The following NYAP1 variants were observed in gnomAD, a reference collection of about 807,000 sequenced individuals.
NYAP1 encodes neuronal tyrosine phosphorylated phosphoinositide-3-kinase adaptor 1.
NYAP1 carries 20 observed loss-of-function variants against 58.6 expected under a neutral mutation model. That is an observed-to-expected ratio of 0.34 (90% CI 0.24 to 0.50). The LOEUF is 0.50. NYAP1 is among the 20% of genes least tolerant of loss of function. The pLI, the probability that NYAP1 is intolerant of heterozygous loss-of-function variation, is 0.98. For synonymous variants in NYAP1, 572 were observed against 523.1 expected (o/e 1.09, Z -1.27); for missense variants, 1,150 against 1,194.5 (o/e 0.96, Z 0.55).
rs767063731 is a variant in NYAP1, at chr7:100,493,916, G to A, written c.*13G>A. 3.6e-5 allele frequency: 51 copies of A among 1,428,582 alleles called. No individual in the cohort carries two copies. The highest frequency in any genetic ancestry group is 4.5e-5 in the Non-Finnish European group (49 of 1,098,124). The allele number at this position is 1,428,582 out of a possible 1,614,324, so 88.5% of individuals were successfully genotyped here. On this transcript the variant is annotated 3_prime_UTR_variant, in exon 7 of 7. Coordinates refer to ENST00000300179, the MANE Select transcript of NYAP1 (RefSeq NM_173564.4). ...CACCGCCATCTGAGGCGGGCGGGGG[G>A]GTACCGGGGCGCCTGGACTGGGGAG... is the stretch of plus-strand genomic sequence containing the variant.
chr7:100,489,246 G>C lies in NYAP1; in HGVS notation c.1525G>C (p.Gly509Arg). The C allele has an allele frequency of 6.2e-7, 1 of 1,605,150 alleles. No homozygotes were observed. The highest frequency in any genetic ancestry group is 8.5e-7 in the Non-Finnish European group (1 of 1,176,508). The change falls in exon 4 of 7, where the codon GGG becomes CGG. Residue 509 changes from glycine to arginine, a missense_variant. Physicochemically the swap from Gly to Arg is moderately radical, Grantham distance 125 (BLOSUM62 -2). Coordinates refer to ENST00000300179, the MANE Select transcript of NYAP1 (RefSeq NM_173564.4). ...LCTSSRPPVPGKTSPHGGAMG... is the reference protein window; with the variant it reads ...LCTSSRPPVPRKTSPHGGAMG... ...TACCAGCTCAAGGCCCCCTGTGCCA[G>C]GGAAGACCAGCCCCCACGGTGGGGC...
At position 100,487,308 on chromosome 7, in the gene NYAP1, A is replaced by C; in HGVS notation, c.430+126A>C. 4 of 1,059,706 alleles carry C rather than the reference A, an allele frequency of 3.8e-6. No homozygotes were observed. The highest frequency in any genetic ancestry group is 3.8e-6 in the Non-Finnish European group (3 of 779,418). 65.6% of individuals were successfully genotyped at this position (1,059,706 alleles called of 1,614,324 possible). On this transcript the variant is annotated intron_variant, in intron 3 of 6. Transcript: ENST00000300179. This position sits in a 1 kb window ranked among gnomAD's most constrained non-coding sequence, Gnocchi z 4.1. The stretch of plus-strand genomic sequence containing the variant: ...CAAGGAAGTGGAAGATTCCATTCTC[A>C]AAAGGAATTGGGGGGGTCCTTTTGG...
chr7:100,493,655 G>GCGCTGC lies in NYAP1; in HGVS notation c.2286_2291dup (p.Leu767_Pro768dup), dbSNP rs751725479. On this transcript the variant is annotated inframe_insertion, in exon 7 of 7. Coordinates refer to ENST00000300179, the MANE Select transcript of NYAP1 (RefSeq NM_173564.4). ...CCCGCCCGCGGCACAGCCCCACCCC[G>GCGCTGC]CGCTGCCGCTGCCTCTGCCCCTGCC... The GCGCTGC allele has an allele frequency of 3.8e-6, 6 of 1,579,560 alleles. No individual in the cohort carries two copies. The highest frequency in any genetic ancestry group is 1.1e-5 in the South Asian group (1 of 88,272).
At position 100,488,998 on chromosome 7, in the gene NYAP1, A is replaced by G. The variant is rs777515681; in HGVS notation, c.1277A>G (p.Asn426Ser). ...GQPRGERELP[N>S]SHSMICPKAA... ...CCCCGGGGGGAGCGGGAGCTCCCCA[A>G]CTCCCACAGCATGATCTGCCCTAAG... Residue 426 changes from asparagine (N) to serine (S), a missense_variant, in exon 4 of 7, where the codon AAC (asparagine) becomes AGC (serine). Coordinates refer to ENST00000300179, the MANE Select transcript of NYAP1 (RefSeq NM_173564.4). This position sits in a 1 kb window ranked among gnomAD's most constrained non-coding sequence, Gnocchi z 5.9. 6.3e-7 allele frequency: 1 copy of G among 1,576,174 alleles called. No homozygotes were observed. Among genetic ancestry groups the G allele is most frequent in the Admixed American group, 1.8e-5 (1 of 54,222 alleles).
In NYAP1 at chr7:100,489,037, C is replaced by T. The variant is rs759216586; in HGVS notation, c.1316C>T (p.Pro439Leu). The change falls in exon 4 of 7, where the codon CCG becomes CTG. Residue 439 changes from proline to leucine, a missense_variant. Pro to Leu is a moderately conservative substitution (Grantham distance 98). Transcript: ENST00000300179. ...ATCTGCCCTAAGGCGGCGGGGGCGC[C>T]GGCAGCCCCCCCTGCCCCGGCCGCC... ...SMICPKAAGA[P>L]AAPPAPAALL... 32 of 1,545,258 alleles carry T rather than the reference C, an allele frequency of 2.1e-5. No homozygotes were observed. In the East Asian group the frequency reaches 4.8e-4, roughly 23 times the overall value.
intron 6 of NYAP1, among the ~76,000 whole-genome samples, chr7:100,492,590 G>A (rs924060262): frequency 6.6e-6 from 1 of 152,116 alleles, no homozygotes; most frequent in Non-Finnish European, 1.5e-5. Flanking sequence ...GGGCAAGACC[G>A]TGTCTCAAAA....
At position 100,490,645 on chromosome 7, in the gene NYAP1, A is replaced by T; in HGVS notation, c.2074A>T (p.Arg692Trp). ...RSQGAEGLLA[R>W]IHHGDRGGSR... ...CCAGGGGGCAGAGGGACTGCTGGCC[A>T]GGATCCACCATGGAGACCGAGGAGG... Residue 692 changes from arginine to tryptophan, a missense_variant, in exon 5 of 7, where the codon AGG becomes TGG. Coordinates refer to ENST00000300179, the MANE Select transcript of NYAP1 (RefSeq NM_173564.4). This position sits in a 1 kb window ranked among gnomAD's most constrained non-coding sequence, Gnocchi z 4.6. 1 of 1,569,256 alleles carries T rather than the reference A, an allele frequency of 6.4e-7. No homozygotes were observed. The highest frequency in any genetic ancestry group is 2.3e-5 in the East Asian group (1 of 43,138).
chr7:100,492,405 C>A (rs886851900), intron 6 of NYAP1, among the ~76,000 whole-genome samples: 1 of 152,176 alleles, frequency 6.6e-6, no homozygotes, highest in Non-Finnish European at 1.5e-5. Context: ...AGGGCCACCA[C>A]TAGCCAACAG....
In NYAP1 at chr7:100,488,707, A is replaced by G; in HGVS notation, c.986A>G (p.Asn329Ser). ...TGTGAAATCCCCCCGCCCTTCCCCA[A>G]CCTCCTTCAGCACCGGCCTCCACTC... ...TPCEIPPPFP[N>S]LLQHRPPLLA... The change falls in exon 4 of 7, where the codon AAC becomes AGC. Residue 329 changes from asparagine (N) to serine (S), a missense_variant. By Grantham distance (46) the Asn-to-Ser change is conservative. Coordinates refer to ENST00000300179, the MANE Select transcript of NYAP1 (RefSeq NM_173564.4). This position sits in a 1 kb window ranked among gnomAD's most constrained non-coding sequence, Gnocchi z 5.9. 1.9e-6 allele frequency: 3 copies of G among 1,601,678 alleles called. No homozygotes were observed. The highest frequency in any genetic ancestry group is 2.6e-6 in the Non-Finnish European group (3 of 1,175,742).
chr7:100,494,044 C>T lies in NYAP1; in HGVS notation c.*141C>T, dbSNP rs541256960. ...AACCCCTGCCCTCCAACCTACCCCCCGGGATGGGGAGAGTCTGCCAGGCCC... is the reference window on the plus strand; with the variant it reads ...AACCCCTGCCCTCCAACCTACCCCCTGGGATGGGGAGAGTCTGCCAGGCCC... On this transcript the variant is annotated 3_prime_UTR_variant, in exon 7 of 7. Coordinates refer to ENST00000300179, the MANE Select transcript of NYAP1 (RefSeq NM_173564.4). 9 of 729,184 alleles carry T rather than the reference C, an allele frequency of 1.2e-5. No homozygotes were observed. In the African/African-American group the frequency reaches 1.3e-4, roughly 11 times the overall value. The allele number at this position is 729,184 out of a possible 1,614,324, so 45.2% of individuals were successfully genotyped here. A position where few individuals can be genotyped will look rare whatever the true frequency, so the allele number is the denominator to read the frequency against.
rs773639878 is a variant in NYAP1, at chr7:100,488,254, A to C, written c.533A>C (p.Glu178Ala). 1.2e-6 allele frequency: 2 copies of C among 1,613,956 alleles called. No individual in the cohort carries two copies. The highest frequency in any genetic ancestry group is 8.5e-7 in the Non-Finnish European group (1 of 1,179,928). The change falls in exon 4 of 7, where the codon GAG becomes GCG. Residue 178 changes from glutamate (E) to alanine (A), a missense_variant. Transcript: ENST00000300179. The surrounding 1 kb of genome is among the most constrained non-coding windows in gnomAD (Gnocchi z 5.9). Reference protein sequence around the residue: ...PNTQLSVSFDESCPPGPSPRG... With the variant: ...PNTQLSVSFDASCPPGPSPRG... ...ACCCAGCTCTCTGTCTCCTTCGATGAGTCCTGCCCCCCAGGCCCCTCTCCT... is the reference window on the plus strand; with the variant it reads ...ACCCAGCTCTCTGTCTCCTTCGATGCGTCCTGCCCCCCAGGCCCCTCTCCT...
chr7:100,488,749 C>G lies in NYAP1; in HGVS notation c.1028C>G (p.Ala343Gly). Reference protein sequence around the residue: ...HRPPLLAFPQAKSASRTPGDG... With the variant: ...HRPPLLAFPQGKSASRTPGDG... ...CCTCCACTCCTGGCCTTCCCCCAAG[C>G]CAAGTCTGCTTCCCGAACCCCTGGC... Residue 343 changes from alanine (A) to glycine (G), a missense_variant, in exon 4 of 7, where the codon GCC (alanine) becomes GGC (glycine). Ala to Gly is a moderately conservative substitution (Grantham distance 60). Transcript: ENST00000300179. The surrounding 1 kb of genome is among the most constrained non-coding windows in gnomAD (Gnocchi z 5.9). 1 of 1,604,008 alleles carries G rather than the reference C, an allele frequency of 6.2e-7. No individual in the cohort carries two copies. Among genetic ancestry groups the G allele is most frequent in the Non-Finnish European group, 8.5e-7 (1 of 1,175,424 alleles).
Position 100,488,459 on chromosome 7 carries a change from TC to T in NYAP1, c.740del (p.Pro247GlnfsTer18). ...PPLGGGGPTP[P>X]AGADSDSEES... ...CTCTTGGGGGTGGGGGCCCGACCCC[TC>T]CAGCGGGCGCCGACTCGGACTCTGA... On this transcript the variant is annotated frameshift_variant, in exon 4 of 7. Transcript: ENST00000300179. LOFTEE classifies it high-confidence loss of function. This position sits in a 1 kb window ranked among gnomAD's most constrained non-coding sequence, Gnocchi z 5.9. 6.2e-7 allele frequency: 1 copy of T among 1,610,320 alleles called. No individual in the cohort carries two copies. The highest frequency in any genetic ancestry group is 8.5e-7 in the Non-Finnish European group (1 of 1,178,786).
chr7:100,488,282 AG>A lies in NYAP1; in HGVS notation c.567del (p.Asn190ThrfsTer13), dbSNP rs35807048. On this transcript the variant is annotated frameshift_variant, in exon 4 of 7. Transcript: ENST00000300179. LOFTEE classifies it high-confidence loss of function. The surrounding 1 kb of genome is among the most constrained non-coding windows in gnomAD (Gnocchi z 5.9). The part of the protein sequence containing the change: ...ESCPPGPSPR[G>X]GNLPLQRLTR... The stretch of plus-strand genomic sequence containing the variant: ...CCTGCCCCCCAGGCCCCTCTCCTCG[AG>A]GGGGGAACCTGCCTCTTCAGCGCCT... 1.2e-6 allele frequency: 2 copies of A among 1,613,336 alleles called. No homozygotes were observed. The highest frequency in any genetic ancestry group is 1.7e-6 in the Non-Finnish European group (2 of 1,179,788).
chr7:100,489,176 G>A lies in NYAP1; in HGVS notation c.1455G>A (p.Glu485=), dbSNP rs1330354026. Residue 485 remains glutamate, a synonymous_variant, in exon 4 of 7, where the codon GAG becomes GAA. Transcript: ENST00000300179. ...LPAGPPLGAG[E]PKTEKEISVL... ...CTGGTCCACCCCTGGGTGCTGGGGA[G>A]CCAAAGACGGAGAAGGAGATCTCGG... 6.2e-7 allele frequency: 1 copy of A among 1,611,112 alleles called. No individual in the cohort carries two copies. The highest frequency in any genetic ancestry group is 1.1e-5 in the South Asian group (1 of 90,592).
In NYAP1 at chr7:100,489,530, C is replaced by T. The variant is rs1799762498; in HGVS notation, c.1809C>T (p.Ile603=). The T allele has an allele frequency of 6.2e-7, 1 of 1,613,456 alleles. No homozygotes were observed. The highest frequency in any genetic ancestry group is 8.5e-7 in the Non-Finnish European group (1 of 1,179,990). Reference sequence around the variant, plus strand: ...CCGATGGGGGTGCTTTTGCCAGCATCTCCTGTGCCCACGTCATCGCCAGCG... The same window carrying T: ...CCGATGGGGGTGCTTTTGCCAGCATTTCCTGTGCCCACGTCATCGCCAGCG... ...QGTDGGAFAS[I]SCAHVIASAG... Residue 603 remains isoleucine, a synonymous_variant, in exon 4 of 7, where the codon ATC becomes ATT. Coordinates refer to ENST00000300179, the MANE Select transcript of NYAP1 (RefSeq NM_173564.4).
At position 100,488,138 on chromosome 7, in the gene NYAP1, C is replaced by T. The variant is rs1348241606; in HGVS notation, c.431-14C>T. 1.3e-6 allele frequency: 2 copies of T among 1,558,504 alleles called. No individual in the cohort carries two copies. The highest frequency in any genetic ancestry group is 1.4e-5 in the African/African-American group (1 of 72,364). On this transcript the variant is annotated splice_polypyrimidine_tract_variant and intron_variant, in intron 3 of 6. Coordinates refer to ENST00000300179, the MANE Select transcript of NYAP1 (RefSeq NM_173564.4). The surrounding 1 kb of genome is among the most constrained non-coding windows in gnomAD (Gnocchi z 5.9). Reference sequence around the variant, plus strand: ...AAAAGCCTGGTTTATTTTTCTCTTTCTTGTCCTGTCCAGGCTCACAGAAGC... The same window carrying T: ...AAAAGCCTGGTTTATTTTTCTCTTTTTTGTCCTGTCCAGGCTCACAGAAGC...
chr7:100,492,282 G>A (rs564946432), intron 6 of NYAP1, among the ~76,000 whole-genome samples: 3 of 151,994 alleles, frequency 2.0e-5, no homozygotes, highest in South Asian at 2.1e-4. Flanking sequence ...CTGAGCCAGC[G>A]CAGACAGCGG....
chr7:100,487,216 C>G lies in NYAP1; in HGVS notation c.430+34C>G. The G allele has an allele frequency of 6.8e-7, 1 of 1,468,098 alleles. No homozygotes were observed. Among genetic ancestry groups the G allele is most frequent in the Non-Finnish European group, 9.0e-7 (1 of 1,110,202 alleles). The allele number at this position is 1,468,098 out of a possible 1,614,324, so 90.9% of individuals were successfully genotyped here. ...CCCCCTATCTCTCCCTGGGGTGGAG[C>G]TGGGAGCTGGGAGGATCTATTCCAC... is the stretch of plus-strand genomic sequence containing the variant. On this transcript the variant is annotated intron_variant, in intron 3 of 6. Transcript: ENST00000300179. This position sits in a 1 kb window ranked among gnomAD's most constrained non-coding sequence, Gnocchi z 4.1.
Sources: allele counts gnomAD v4.1 joint callset (sites outside exome capture counted in the v4.1 genomes callset), GRCh38; gene constraint gnomAD v4.1.1; non-coding constraint Gnocchi (gnomAD v3.1); transcripts MANE v1.5; gene names NCBI Gene and HGNC (gene_info 2026-07-23, HGNC 2026-07-21).